The following RBFOX1 variants were observed in gnomAD, a reference collection of about 807,000 sequenced individuals.
RBFOX1 encodes the protein RNA binding protein fox-1 homolog 1.
A neutral mutation model predicts 57.7 loss-of-function variants in RBFOX1; 8 were observed. That is an observed-to-expected ratio of 0.14 (90% CI 0.08 to 0.25). The LOEUF is 0.25. RBFOX1 is among the 10% of genes least tolerant of loss of function. RBFOX1 has a pLI of 1.00. For synonymous variants in RBFOX1, 326 were observed against 222.4 expected (o/e 1.47, Z -4.15); for missense variants, 611 against 548.5 (o/e 1.11, Z -1.14).
chr16:6,977,333 T>G (rs879561109), intron 3 of RBFOX1, among the ~76,000 whole-genome samples: 5 of 152,028 alleles, frequency 3.3e-5, no homozygotes, highest in Non-Finnish European at 7.4e-5. Flanking sequence ...GATATTATGA[T>G]CTTTGAAGCA....
intron 1 of RBFOX1, among the ~76,000 whole-genome samples, chr16:6,043,471 G>T (rs760691494): frequency 3.9e-5 from 6 of 152,120 alleles, no homozygotes; most frequent in South Asian, 4.1e-4. Flanking sequence ...GTTGGAATTG[G>T]GTATCTTATT....
At chr16:7,274,304 C>T (rs1296081997) in intron 4 of RBFOX1, among the ~76,000 whole-genome samples, 4 of 152,138 alleles carry the variant, frequency 2.6e-5, no homozygotes, top group Non-Finnish European at 4.4e-5. Context: ...AAAGGAGGTA[C>T]GCTTTGTTAT....
intron 4 of RBFOX1, among the ~76,000 whole-genome samples, chr16:7,076,120 C>T (rs908422430): frequency 6.6e-6 from 1 of 151,410 alleles, no homozygotes; most frequent in East Asian, 1.9e-4. Flanking sequence ...CGGCTCACTG[C>T]AACCTCTGCC....
At chr16:6,469,743 G>T (rs190423875) in intron 2 of RBFOX1, among the ~76,000 whole-genome samples, 1 of 152,122 alleles carries the variant, frequency 6.6e-6, no homozygotes, top group Non-Finnish European at 1.5e-5. Context: ...TCTCAGAATC[G>T]GAACTTTGAG....
intron 1 of RBFOX1, among the ~76,000 whole-genome samples, chr16:6,036,848 G>C (rs1448832066): frequency 6.6e-6 from 1 of 152,202 alleles, no homozygotes; most frequent in Admixed American, 6.5e-5. Flanking sequence ...CATTCTCAAA[G>C]TGCTATATGG....
chr16:6,038,276 G>A (rs1202329320), intron 1 of RBFOX1: 3 of 150,186 alleles, frequency 2.0e-5, no homozygotes, highest in Non-Finnish European at 3.0e-5. Flanking sequence ...CCGCCTCCTG[G>A]ACTCAAATGA....
intron 2 of RBFOX1, among the ~76,000 whole-genome samples, chr16:6,527,961 G>A (rs966132838): frequency 6.6e-6 from 1 of 152,020 alleles, no homozygotes; most frequent in African/African-American, 2.4e-5. Flanking sequence ...TCGCTGAACC[G>A]TCATTTCCTA....
chr16:5,392,061 C>G (rs556934656), intron 1 of RBFOX1, among the ~76,000 whole-genome samples: 2 of 151,946 alleles, frequency 1.3e-5, no homozygotes, highest in Non-Finnish European at 2.9e-5. Flanking sequence ...TATTCTAACT[C>G]ATAAGTGGGA....
At chr16:6,287,391 T>C (rs1194878798) in intron 1 of RBFOX1, among the ~76,000 whole-genome samples, 1 of 152,166 alleles carries the variant, frequency 6.6e-6, no homozygotes, top group Non-Finnish European at 1.5e-5. Context: ...AATCCTGTAT[T>C]ATCATTGGTG....
At chr16:7,119,300 G>T (rs1185209384) in intron 4 of RBFOX1, among the ~76,000 whole-genome samples, 2 of 152,008 alleles carry the variant, frequency 1.3e-5, no homozygotes, top group Non-Finnish European at 2.9e-5. Context: ...CTATCCTCAG[G>T]TTTCCCTATG....
intron 3 of RBFOX1, among the ~76,000 whole-genome samples, chr16:6,980,148 T>G (rs1247300736): frequency 1.3e-5 from 2 of 152,184 alleles, no homozygotes; most frequent in African/African-American, 4.8e-5. Context: ...CCTTAATCCC[T>G]CTTCAATTAA....
At chr16:5,454,946 C>CTTT (rs2068570023) in intron 1 of RBFOX1, among the ~76,000 whole-genome samples, 9 of 48,314 alleles carry the variant, frequency 1.9e-4, no homozygotes, top group Admixed American at 2.5e-4. Context: ...TTCCTTCCTT[C>CTTT]CTTCCTTCCT....
At chr16:6,946,668 T>TCA (rs78147599) in intron 3 of RBFOX1, among the ~76,000 whole-genome samples, 31,495 of 152,038 alleles carry the variant, frequency 0.21, 3,386 homozygotes, top group Non-Finnish European at 0.24. Flanking sequence ...GGTAGTGAGA[T>TCA]CACAGTTCAC....
intron 3 of RBFOX1, among the ~76,000 whole-genome samples, chr16:6,752,024 C>G (rs2075023725): frequency 6.6e-6 from 1 of 152,124 alleles, no homozygotes; most frequent in African/African-American, 2.4e-5. Flanking sequence ...GACTCAGTAA[C>G]AAGTTACCAC....
chr16:7,239,034 G>T (rs1464688050), intron 4 of RBFOX1, among the ~76,000 whole-genome samples: 1 of 152,114 alleles, frequency 6.6e-6, no homozygotes, highest in African/African-American at 2.4e-5. Context: ...TCTTTATCCA[G>T]TCTATCATTG....
At chr16:5,772,059 C>G (rs1264954270) in intron 3 of RBFOX1, among the ~76,000 whole-genome samples, 4 of 152,056 alleles carry the variant, frequency 2.6e-5, no homozygotes, top group African/African-American at 7.2e-5. Context: ...GTAATCCCAG[C>G]TATTCAGGAG....
At chr16:7,517,551 GACACAC>G (rs35971142) in intron 4 of RBFOX1, among the ~76,000 whole-genome samples, 45 of 150,028 alleles carry the variant, frequency 3.0e-4, no homozygotes, top group African/African-American at 5.4e-4. Context: ...CACACACACA[GACACAC>G]ACACACACAC....
At chr16:7,671,325 G>C (rs1453905044) in intron 13 of RBFOX1, among the ~76,000 whole-genome samples, 3 of 152,128 alleles carry the variant, frequency 2.0e-5, no homozygotes, top group African/African-American at 4.8e-5. Context: ...ATAACACAAA[G>C]TGGTTTGATC....
chr16:6,664,936 A>C (rs28607498), intron 3 of RBFOX1, among the ~76,000 whole-genome samples: 74,430 of 152,032 alleles, frequency 0.49, 18,561 homozygotes, highest in African/African-American at 0.57. Flanking sequence ...TAAAACAGGG[A>C]CAGACATCGT....
Sources: allele counts gnomAD v4.1 joint callset (sites outside exome capture counted in the v4.1 genomes callset), GRCh38; gene constraint gnomAD v4.1.1; transcripts MANE v1.5; gene names NCBI Gene and HGNC (gene_info 2026-07-23, HGNC 2026-07-21).